CACNA1I: variants seen among roughly 807,000 people sequenced by gnomAD.
The protein encoded by CACNA1I is calcium voltage-gated channel subunit alpha1 I, also known as voltage-dependent T-type calcium channel subunit alpha-1I.
In CACNA1I, 74 loss-of-function variants were observed where a neutral mutation model predicts 201.6. That is an observed-to-expected ratio of 0.37 (90% confidence interval 0.30 to 0.45). CACNA1I has a LOEUF of 0.45. CACNA1I is among the 20% of genes least tolerant of loss of function. CACNA1I has a pLI of 1.00. For missense variants in CACNA1I, 2,346 were observed against 3,138.1 expected, an observed-to-expected ratio of 0.75 and a Z score of 6.03; for synonymous variants, 1,431 against 1,345.2, an observed-to-expected ratio of 1.06 and a Z score of -1.40.
At chr22:39,645,763 G>A (rs753363413) in intron 7 of CACNA1I, among the ~76,000 whole-genome samples, 20 of 152,208 alleles carry the variant, frequency 1.3e-4, no homozygotes, top group East Asian at 1.2e-3. Context: ...AGGGGGCTGC[G>A]CCCTGAAAGC....
At position 39,648,729 on chromosome 22, in the gene CACNA1I, A is replaced by G. The variant is rs1488566122; in HGVS notation, c.1568-772A>G. Among the ~76,000 whole-genome samples, 1 of 152,068 alleles carries G rather than the reference A, an allele frequency of 6.6e-6. No homozygotes were observed. Among genetic ancestry groups the G allele is most frequent in the Non-Finnish European group, 1.5e-5 (1 of 68,008 alleles). ...CAAAATGTGTTTATTCTAGGAATAT[A>G]TAGGAAAACACAAAGAAGGCATTAA... On this transcript the variant is annotated intron_variant, in intron 9 of 36. Coordinates refer to ENST00000402142, the MANE Select transcript of CACNA1I (RefSeq NM_021096.4). The surrounding 1 kb of genome is among the most constrained non-coding windows in gnomAD (Gnocchi z 5.4).
chr22:39,594,654 G>C lies in CACNA1I; in HGVS notation c.237-3497G>C, dbSNP rs1284277319. On this transcript the variant is annotated intron_variant, in intron 1 of 36. Coordinates refer to ENST00000402142, the MANE Select transcript of CACNA1I (RefSeq NM_021096.4). ...AGGGAGGCTGTTGCCATGGAAACCA[G>C]GTCACCTCTCCCACTCCTCTCTGGG... 2.6e-5 allele frequency among the ~76,000 whole-genome samples: 4 copies of C among 152,024 alleles called. No homozygotes were observed. The East Asian group carries it at 7.7e-4, about 29-fold the overall frequency.
At chr22:39,587,752 G>A (rs1489726664) in intron 1 of CACNA1I, 2 of 448,706 alleles carry the variant, frequency 4.5e-6, no homozygotes, top group Admixed American at 2.4e-5. Flanking sequence ...GGTGCCTGTG[G>A]TTTATTTTAT....
intron 34 of CACNA1I, among the ~76,000 whole-genome samples, chr22:39,681,836 C>T (rs1383554644): frequency 2.0e-5 from 3 of 152,170 alleles, no homozygotes; most frequent in Non-Finnish European, 4.4e-5. Flanking sequence ...TCCTCCTGTC[C>T]CTTCCATGTC....
chr22:39,602,451 C>G (rs1004574069), intron 3 of CACNA1I, among the ~76,000 whole-genome samples: 7 of 152,130 alleles, frequency 4.6e-5, no homozygotes, highest in African/African-American at 1.7e-4. Context: ...TGTACGGAAG[C>G]TACTCTGGTT....
Position 39,665,871 on chromosome 22 carries a change from C to T in CACNA1I, c.3979-10C>T, listed in dbSNP as rs373371573. 20 of 1,613,716 alleles carry T rather than the reference C, an allele frequency of 1.2e-5. No homozygotes were observed. The highest frequency in any genetic ancestry group is 8.0e-5 in the African/African-American group (6 of 74,944). On this transcript the variant is annotated splice_polypyrimidine_tract_variant and intron_variant, in intron 22 of 36. Coordinates refer to ENST00000402142, the MANE Select transcript of CACNA1I (RefSeq NM_021096.4). The surrounding 1 kb of genome is among the most constrained non-coding windows in gnomAD (Gnocchi z 5.5). ...CCTGTGAGAGCACCAACCTCACCCCCTTTCCCCAGCTCTTCAAGGGCAAGT... is the reference window on the plus strand; with the variant it reads ...CCTGTGAGAGCACCAACCTCACCCCTTTTCCCCAGCTCTTCAAGGGCAAGT...
In CACNA1I at chr22:39,686,478, C is replaced by T; in HGVS notation, c.*73C>T. 6 of 1,082,006 alleles carry T rather than the reference C, an allele frequency of 5.5e-6. No individual in the cohort carries two copies. Among genetic ancestry groups the T allele is most frequent in the Non-Finnish European group, 7.0e-6 (6 of 854,620 alleles). 67.0% of individuals were successfully genotyped at this position (1,082,006 alleles called of 1,614,324 possible). The stretch of plus-strand genomic sequence containing the variant: ...CTTTACCTCAGGAGCCAGGAGCAGA[C>T]AGCAATACTTCGTCCACACCTGGGA... On this transcript the variant is annotated 3_prime_UTR_variant, in exon 37 of 37. Transcript: ENST00000402142.
intron 1 of CACNA1I, among the ~76,000 whole-genome samples, chr22:39,590,460 C>T (rs1200768637): frequency 1.3e-5 from 2 of 152,224 alleles, no homozygotes; most frequent in South Asian, 4.1e-4. Context: ...CACAGCCAGA[C>T]GGGCTGCCGG....
At position 39,665,548 on chromosome 22, in the gene CACNA1I, C is replaced by T. The variant is rs1178913413; in HGVS notation, c.3902C>T (p.Ser1301Phe). 1.2e-6 allele frequency: 2 copies of T among 1,613,738 alleles called. No individual in the cohort carries two copies. Among genetic ancestry groups the T allele is most frequent in the Non-Finnish European group, 1.7e-6 (2 of 1,179,806 alleles). Residue 1301 changes from serine to phenylalanine, a missense_variant, in exon 22 of 37, where the codon TCC (serine) becomes TTC (phenylalanine). By Grantham distance (155) the Ser-to-Phe change is radical. This residue lies in a region of CACNA1I where 14 missense variants were observed against 53.7 expected (regional missense o/e 0.26). Coordinates refer to ENST00000402142, the MANE Select transcript of CACNA1I (RefSeq NM_021096.4). The surrounding 1 kb of genome is among the most constrained non-coding windows in gnomAD (Gnocchi z 5.5). ...GLKLVVETLI[S>F]SLKPIGNIVL... is the part of the protein sequence containing the mutation. ...AAGCTGGTGGTGGAGACACTCATCT[C>T]CTCCCTCAAGCCCATCGGCAACATC...
In CACNA1I at chr22:39,685,901, G is replaced by C; in HGVS notation, c.6168G>C (p.Arg2056=). ...CGCCCGCGCCTGCTCCAGGACCCCG[G>C]GCCGGCCTGTCCCCCGCCGCTCGCC... ...LGPPAPAPGP[R]AGLSPAARRR... The change falls in exon 37 of 37, where the codon CGG becomes CGC. Residue 2056 remains arginine (R), a synonymous_variant. Transcript: ENST00000402142. This position sits in a 1 kb window ranked among gnomAD's most constrained non-coding sequence, Gnocchi z 5.0. The C allele has an allele frequency of 7.1e-7, 1 of 1,402,588 alleles. No homozygotes were observed. Among genetic ancestry groups the C allele is most frequent in the South Asian group, 1.6e-5 (1 of 63,792 alleles). 86.9% of individuals were successfully genotyped at this position (1,402,588 alleles called of 1,614,324 possible). A position where few individuals can be genotyped will look rare whatever the true frequency, so the allele number is the denominator to read the frequency against.
intron 11 of CACNA1I, 46 bp downstream of exon 11, chr22:39,658,349 C>T (rs1934892973): frequency 6.3e-7 from 1 of 1,577,670 alleles, no homozygotes; most frequent in Admixed American, 1.7e-5. Context: ...CTCGGGGGGA[C>T]ATTTACTGCA....
chr22:39,664,242 C>G, intron 20 of CACNA1I, 83 bp downstream of exon 20: 1 of 1,147,096 alleles, frequency 8.7e-7, no homozygotes, highest in South Asian at 1.3e-5. Context: ...CAGCTTGTCA[C>G]TCGCCTGCCA....
In CACNA1I at chr22:39,634,704, C is replaced by T. The variant is rs755283651; in HGVS notation, c.720C>T (p.Phe240=). The T allele has an allele frequency of 2.7e-5, 43 of 1,613,550 alleles. No individual in the cohort carries two copies. Among genetic ancestry groups the T allele is most frequent in the South Asian group, 3.3e-5 (3 of 91,060 alleles). The change falls in exon 5 of 37, where the codon TTC becomes TTT. Residue 240 remains phenylalanine (F), a synonymous_variant. Transcript: ENST00000402142. ...CGGGCCTGCTGCGTAACCGCTGCTT[C>T]CTGGAGGAGAACTTCACCATGTGAG... The part of the protein sequence containing the change: ...LWAGLLRNRC[F]LEENFTIQGD...
chr22:39,621,296 CAA>C (rs1036064890), intron 4 of CACNA1I, among the ~76,000 whole-genome samples: 5 of 152,204 alleles, frequency 3.3e-5, no homozygotes, highest in Admixed American at 6.5e-5. Flanking sequence ...CCCCATCTGC[CAA>C]AGAGTACAGG....
rs1935537634 is a variant in CACNA1I at position 39,677,200 on chromosome 22, G to A, written c.4855-141G>A. The A allele has an allele frequency of 1.6e-6, 1 of 611,442 alleles. No individual in the cohort carries two copies. The highest frequency in any genetic ancestry group is 2.9e-6 in the Non-Finnish European group (1 of 341,972). 37.9% of individuals were successfully genotyped at this position (611,442 alleles called of 1,614,324 possible). A position where few individuals can be genotyped will look rare whatever the true frequency, so the allele number is the denominator to read the frequency against. ...CAGGTCCTGTAGGGGTGGCAGACGT[G>A]GACACACAGCCTGGGGGAATGTTAC... On this transcript the variant is annotated intron_variant, in intron 29 of 36. Coordinates refer to ENST00000402142, the MANE Select transcript of CACNA1I (RefSeq NM_021096.4). The surrounding 1 kb of genome is among the most constrained non-coding windows in gnomAD (Gnocchi z 4.8).
chr22:39,634,803 A>G, intron 5 of CACNA1I, 79 bp downstream of exon 5: 2 of 1,388,212 alleles, frequency 1.4e-6, no homozygotes, highest in South Asian at 2.6e-5. Context: ...GTCATTGGGA[A>G]TCAGGACCAA....
chr22:39,640,897 C>T lies in CACNA1I; in HGVS notation c.771C>T (p.Tyr257=). 1.9e-6 allele frequency: 3 copies of T among 1,613,670 alleles called. No individual in the cohort carries two copies. The highest frequency in any genetic ancestry group is 1.3e-5 in the African/African-American group (1 of 75,066). Reference sequence around the variant, plus strand: ...GGGATGTGGCCTTGCCCCCATACTACCAGCCGGAGGAGGATGATGAGATGC... The same window carrying T: ...GGGATGTGGCCTTGCCCCCATACTATCAGCCGGAGGAGGATGATGAGATGC... The part of the protein sequence containing the change: ...IQGDVALPPY[Y]QPEEDDEMPF... The change falls in exon 6 of 37, where the codon TAC becomes TAT. Residue 257 remains tyrosine, a synonymous_variant. Coordinates refer to ENST00000402142, the MANE Select transcript of CACNA1I (RefSeq NM_021096.4).
In CACNA1I at chr22:39,686,880, G is replaced by C. The variant is rs1410351271; in HGVS notation, c.*475G>C. 2 of 151,564 alleles carry C rather than the reference G, an allele frequency of 1.3e-5. No homozygotes were observed. The highest frequency in any genetic ancestry group is 4.8e-5 in the African/African-American group (2 of 41,292). 9.4% of individuals were successfully genotyped at this position (151,564 alleles called of 1,614,324 possible). On this transcript the variant is annotated 3_prime_UTR_variant, in exon 37 of 37. Transcript: ENST00000402142. Reference sequence around the variant, plus strand: ...CCTCCCTGGTTAAGAGTAGCTTGGAGAGGACCCTCAGGCCTCTGAGGGCAC... The same window carrying C: ...CCTCCCTGGTTAAGAGTAGCTTGGACAGGACCCTCAGGCCTCTGAGGGCAC...
At chr22:39,669,447 C>T (rs568382450) in intron 24 of CACNA1I, among the ~76,000 whole-genome samples, 1 of 152,356 alleles carries the variant, frequency 6.6e-6, no homozygotes, top group East Asian at 1.9e-4. Context: ...GCCTTGTTTT[C>T]TGCCTTATTT....
Sources: allele counts gnomAD v4.1 joint callset (sites outside exome capture counted in the v4.1 genomes callset), GRCh38; gene constraint gnomAD v4.1.1; regional missense constraint gnomAD v4.1.1; non-coding constraint Gnocchi (gnomAD v3.1); transcripts MANE v1.5; gene names NCBI Gene and HGNC (gene_info 2026-07-23, HGNC 2026-07-21).